The following ADAMTS2 variants were observed in gnomAD, a reference collection of about 807,000 sequenced individuals.
The protein encoded by ADAMTS2 is ADAM metallopeptidase with thrombospondin type 1 motif 2, also known as A disintegrin and metalloproteinase with thrombospondin motifs 2.
In ADAMTS2, 50 loss-of-function variants were observed where a neutral mutation model predicts 123.0. That is an observed-to-expected ratio of 0.41 (90% CI 0.32 to 0.51). The LOEUF (loss-of-function observed/expected upper bound fraction) is 0.51, where lower values mean the gene tolerates loss of function less well. Among genes scored for constraint, ADAMTS2 ranks in the 20% least tolerant of loss-of-function variants. The pLI is 0.35. For synonymous variants in ADAMTS2, 678 were observed against 695.4 expected (o/e 0.98, Z 0.39); for missense variants, 1,494 against 1,705.2 (o/e 0.88, Z 2.18).
chr5:179,306,944 G>A (rs920166611), intron 2 of ADAMTS2, among the ~76,000 whole-genome samples: 2 of 152,192 alleles, frequency 1.3e-5, no homozygotes, highest in Admixed American at 6.5e-5. Flanking sequence ...CCTGAGGGAT[G>A]AGAGGGCAGG....
Position 179,113,739 on chromosome 5 carries a change from T to C in ADAMTS2, c.*128A>G. On this transcript the variant is annotated 3_prime_UTR_variant, in exon 22 of 22. Coordinates refer to ENST00000251582, the MANE Select transcript of ADAMTS2 (RefSeq NM_014244.5). ...CCTATCTTTCTTACGTCATTCCCCCTCTTTGTTTTCTCAAAACCTTTTGGA... is the reference window on the plus strand; with the variant it reads ...CCTATCTTTCTTACGTCATTCCCCCCCTTTGTTTTCTCAAAACCTTTTGGA... The C allele has an allele frequency of 5.3e-6, 5 of 951,522 alleles. No individual in the cohort carries two copies. In the Admixed American group the frequency reaches 1.0e-4, roughly 19 times the overall value. The allele number at this position is 951,522 out of a possible 1,614,324, so 58.9% of individuals were successfully genotyped here.
At chr5:179,157,457 C>A (rs1036887310) in intron 6 of ADAMTS2, among the ~76,000 whole-genome samples, 1 of 151,862 alleles carries the variant, frequency 6.6e-6, no homozygotes, top group African/African-American at 2.4e-5. Context: ...TAGTTTCAGT[C>A]TTTTTAACCT....
At chr5:179,246,973 C>CA (rs1267456082) in intron 3 of ADAMTS2, among the ~76,000 whole-genome samples, 1 of 152,056 alleles carries the variant, frequency 6.6e-6, no homozygotes, top group Non-Finnish European at 1.5e-5. Context: ...CAGTTTCCAA[C>CA]AAAAAATACA....
chr5:179,210,641 C>T (rs1238841521), intron 3 of ADAMTS2, among the ~76,000 whole-genome samples: 3 of 152,222 alleles, frequency 2.0e-5, no homozygotes, highest in South Asian at 2.1e-4. Context: ...CCACGCCCTG[C>T]GTCTGGCCCC....
chr5:179,147,543 A>G (rs1029120574), intron 10 of ADAMTS2, among the ~76,000 whole-genome samples: 1 of 152,236 alleles, frequency 6.6e-6, no homozygotes, highest in Admixed American at 6.5e-5. Flanking sequence ...AACCTCCGGT[A>G]CCGCTGAGGC....
chr5:179,226,200 CTCTT>C (rs770171575), intron 3 of ADAMTS2, among the ~76,000 whole-genome samples: 69 of 151,788 alleles, frequency 4.5e-4, no homozygotes, highest in African/African-American at 1.3e-3. Context: ...TCTTCTTTAT[CTCTT>C]TCTTTCTTTC....
rs1362886564 is a variant in ADAMTS2 at position 179,162,656 on chromosome 5, C to T, written c.976-3777G>A. ...ACAACAAGAGAAGGCACCTCCCCTACAGAAGCCACAGTCTGCTTTTGATAG... is the reference window on the plus strand; with the variant it reads ...ACAACAAGAGAAGGCACCTCCCCTATAGAAGCCACAGTCTGCTTTTGATAG... On this transcript the variant is annotated intron_variant, in intron 5 of 21. Coordinates refer to ENST00000251582, the MANE Select transcript of ADAMTS2 (RefSeq NM_014244.5). The surrounding 1 kb of genome is among the most constrained non-coding windows in gnomAD (Gnocchi z 5.1). Among the ~76,000 whole-genome samples, 4 of 152,250 alleles carry T rather than the reference C, an allele frequency of 2.6e-5. No homozygotes were observed. The highest frequency in any genetic ancestry group is 9.6e-5 in the African/African-American group (4 of 41,476).
In ADAMTS2 at chr5:179,272,825, A is replaced by T; in HGVS notation, c.688+86T>A. On this transcript the variant is annotated intron_variant, in intron 3 of 21. Transcript: ENST00000251582. This position sits in a 1 kb window ranked among gnomAD's most constrained non-coding sequence, Gnocchi z 5.8. The stretch of plus-strand genomic sequence containing the variant: ...TCAGCAGCCAAGCTGGTCTGTGGAG[A>T]GCTGCCTGAGTCTCTGGGATGCTCC... 2.6e-6 allele frequency: 4 copies of T among 1,516,960 alleles called. No homozygotes were observed. Among genetic ancestry groups the T allele is most frequent in the Admixed American group, 1.9e-5 (1 of 53,648 alleles). The allele number at this position is 1,516,960 out of a possible 1,614,324, so 94.0% of individuals were successfully genotyped here. A position where few individuals can be genotyped will look rare whatever the true frequency, so the allele number is the denominator to read the frequency against.
At position 179,272,310 on chromosome 5, in the gene ADAMTS2, C is replaced by T. The variant is rs901254; in HGVS notation, c.688+601G>A. 0.027 allele frequency among the ~76,000 whole-genome samples: 4,151 copies of T among 152,294 alleles called. 131 individuals are homozygous for T. The highest frequency in any genetic ancestry group is 0.034 in the Non-Finnish European group (2,304 of 68,024). ...TGGGTTCTGAGTTGAAAAAGACAGA[C>T]GCCCATGAGTCTGTGCAGAGACTGC... On this transcript the variant is annotated intron_variant, in intron 3 of 21. Coordinates refer to ENST00000251582, the MANE Select transcript of ADAMTS2 (RefSeq NM_014244.5). This position sits in a 1 kb window ranked among gnomAD's most constrained non-coding sequence, Gnocchi z 5.8.
In ADAMTS2 at chr5:179,207,695, C is replaced by T. The variant is rs768334305; in HGVS notation, c.709G>A (p.Asp237Asn). 22 of 1,611,448 alleles carry T rather than the reference C, an allele frequency of 1.4e-5. No individual in the cohort carries two copies. Among genetic ancestry groups the T allele is most frequent in the Non-Finnish European group, 1.9e-5 (22 of 1,179,662 alleles). Residue 237 changes from aspartate (D) to asparagine (N), a missense_variant, in exon 4 of 22, where the codon GAC becomes AAC. By Grantham distance (23) the Asp-to-Asn change is conservative. Around this residue, in one of 6 missense-constraint regions of ADAMTS2, gnomAD observed 184 missense variants for 152.1 expected, o/e 1.21. Coordinates refer to ENST00000251582, the MANE Select transcript of ADAMTS2 (RefSeq NM_014244.5). ...LDTGASLDSL[D>N]SLSRALGVLE... ...ACGCCCAGGGCGCGGCTGAGGCTGT[C>T]CAGGCTGTCCAGGGAGGCCCCTGCA...
chr5:179,267,041 A>T (rs1443476735), intron 3 of ADAMTS2, among the ~76,000 whole-genome samples: 3 of 152,062 alleles, frequency 2.0e-5, no homozygotes, highest in African/African-American at 7.2e-5. Context: ...GCTTCCATGG[A>T]GGCTGCCCCA....
intron 2 of ADAMTS2, among the ~76,000 whole-genome samples, chr5:179,325,128 T>A (rs1561747705): frequency 6.6e-6 from 1 of 152,046 alleles, no homozygotes; most frequent in East Asian, 1.9e-4. Flanking sequence ...GTGGGCAGAG[T>A]TGACAGTTGA....
At chr5:179,239,325 G>A (rs992345763) in intron 3 of ADAMTS2, among the ~76,000 whole-genome samples, 11 of 152,178 alleles carry the variant, frequency 7.2e-5, no homozygotes, top group African/African-American at 2.4e-4. Context: ...CAGTGTGAGA[G>A]GAAGAGAGGG....
rs76001484 is a variant in ADAMTS2, at chr5:179,140,292, T to A, written c.1630-257A>T. Among the ~76,000 whole-genome samples, 893 of 152,330 alleles carry A rather than the reference T, an allele frequency of 5.9e-3. 11 individuals carry two copies. Among genetic ancestry groups the A allele is most frequent in the African/African-American group, 0.02 (835 of 41,592 alleles). On this transcript the variant is annotated intron_variant, in intron 10 of 21. Transcript: ENST00000251582. Reference sequence around the variant, plus strand: ...ACCCACCCTCCTGCCTTCTAGCAGCTCTGTGTCCCCTCAGCTGGAAGCTGC... The same window carrying A: ...ACCCACCCTCCTGCCTTCTAGCAGCACTGTGTCCCCTCAGCTGGAAGCTGC...
intron 2 of ADAMTS2, among the ~76,000 whole-genome samples, chr5:179,329,178 T>A (rs1367211599): frequency 6.6e-6 from 1 of 151,950 alleles, no homozygotes; most frequent in African/African-American, 2.4e-5. Context: ...ATACAAAAAA[T>A]TAGCCGGGTG....
intron 2 of ADAMTS2, among the ~76,000 whole-genome samples, chr5:179,329,128 C>T (rs1012470738): frequency 3.7e-4 from 57 of 152,162 alleles, no homozygotes; most frequent in East Asian, 3.3e-3. Context: ...GAGATGGAGA[C>T]CATCCTGGCT....
chr5:179,315,760 G>A (rs6888230), intron 2 of ADAMTS2, among the ~76,000 whole-genome samples: 61,556 of 152,068 alleles, frequency 0.4, 13,868 homozygotes, highest in East Asian at 0.62. Context: ...ACTGGAGAGA[G>A]GGCTTGGTGG....
chr5:179,335,112 T>C (rs1364124484), intron 2 of ADAMTS2, among the ~76,000 whole-genome samples: 2 of 152,164 alleles, frequency 1.3e-5, no homozygotes, highest in Non-Finnish European at 2.9e-5. Context: ...AAGAAAATTT[T>C]GTAAGAGAAT....
chr5:179,258,869 CT>C (rs990814277), intron 3 of ADAMTS2, among the ~76,000 whole-genome samples: 73 of 152,262 alleles, frequency 4.8e-4, no homozygotes, highest in African/African-American at 1.7e-3. Context: ...GAGTATCCCC[CT>C]CTGACCAACC....
Sources: gnomAD v4.1 joint callset for allele counts (sites outside exome capture counted in the v4.1 genomes callset) on GRCh38, gnomAD v4.1.1 for gene constraint, gnomAD v4.1.1 regional missense constraint, Gnocchi (gnomAD v3.1) non-coding constraint, MANE v1.5 for transcripts, NCBI Gene and HGNC (gene_info 2026-07-23, HGNC 2026-07-21) for gene names.